XYLT1: variants seen among roughly 807,000 people sequenced by gnomAD.
The protein encoded by XYLT1 is xylosyltransferase 1.
A neutral mutation model predicts 91.3 loss-of-function variants in XYLT1; 36 were observed. The observed-to-expected ratio is 0.39, with a 90% CI of 0.30 to 0.52. The LOEUF (loss-of-function observed/expected upper bound fraction) is 0.52, where lower values mean the gene tolerates loss of function less well. XYLT1 is among the 20% of genes least tolerant of loss of function. XYLT1 has a pLI of 0.68. For synonymous variants in XYLT1, 588 were observed against 532.0 expected, an observed-to-expected ratio of 1.11 and a Z score of -1.45; for missense variants, 1,242 against 1,284.5, an observed-to-expected ratio of 0.97 and a Z score of 0.51.
chr16:17,333,824 G>C (rs1408207149), intron 2 of XYLT1, among the ~76,000 whole-genome samples: 1 of 152,008 alleles, frequency 6.6e-6, no homozygotes, highest in Non-Finnish European at 1.5e-5. Context: ...CTGACTTCAA[G>C]TGATCTGCCC....
At chr16:17,287,137 A>G (rs568571003) in intron 2 of XYLT1, among the ~76,000 whole-genome samples, 1 of 152,244 alleles carries the variant, frequency 6.6e-6, no homozygotes, top group East Asian at 1.9e-4. Flanking sequence ...GCATACGCAG[A>G]AACACTGCAG....
At chr16:17,170,724 C>T (rs1422879286) in intron 5 of XYLT1, among the ~76,000 whole-genome samples, 1 of 152,186 alleles carries the variant, frequency 6.6e-6, no homozygotes, top group East Asian at 1.9e-4. Flanking sequence ...ATTCATCCTG[C>T]CCTGGGTTTA....
chr16:17,395,811 T>C (rs2035877387), intron 1 of XYLT1, among the ~76,000 whole-genome samples: 1 of 152,214 alleles, frequency 6.6e-6, no homozygotes, highest in African/African-American at 2.4e-5. Context: ...TGACATGGAA[T>C]TCTTCAGGGA....
chr16:17,379,763 T>TCTCTTTCTCACACACACA (rs373354877), intron 1 of XYLT1, among the ~76,000 whole-genome samples: 2 of 125,546 alleles, frequency 1.6e-5, no homozygotes, highest in African/African-American at 6.3e-5. Flanking sequence ...TCTCTCTCTC[T>TCTCTTTCTCACACACACA]CACACACACA....
intron 2 of XYLT1, among the ~76,000 whole-genome samples, chr16:17,264,914 C>A (rs2033780442): frequency 6.6e-6 from 1 of 152,142 alleles, no homozygotes; most frequent in Non-Finnish European, 1.5e-5. Flanking sequence ...TCAGGCCGGG[C>A]ACAGTGGCTC....
rs527788636 is a variant in XYLT1 at position 17,107,550 on chromosome 16, A to G, written c.*1145T>C. 1 of 152,796 alleles carries G rather than the reference A, an allele frequency of 6.5e-6. No homozygotes were observed. Among genetic ancestry groups the G allele is most frequent in the Admixed American group, 6.5e-5 (1 of 15,304 alleles). 9.5% of individuals were successfully genotyped at this position (152,796 alleles called of 1,614,324 possible). A position where few individuals can be genotyped will look rare whatever the true frequency, so the allele number is the denominator to read the frequency against. On this transcript the variant is annotated 3_prime_UTR_variant, in exon 12 of 12. Transcript: ENST00000261381. ...CCTGTGGCCGAAGGGCATGAAATTAAAAACCAAATCTGAAATGCTATTTCC... is the reference window on the plus strand; with the variant it reads ...CCTGTGGCCGAAGGGCATGAAATTAGAAACCAAATCTGAAATGCTATTTCC...
intron 3 of XYLT1, among the ~76,000 whole-genome samples, chr16:17,218,974 T>TA (rs1676095600): frequency 6.6e-6 from 1 of 152,150 alleles, no homozygotes; most frequent in African/African-American, 2.4e-5. Context: ...AGGATGGACT[T>TA]ATCACTTATT....
At chr16:17,365,976 A>G in intron 1 of XYLT1, among the ~76,000 whole-genome samples, 1 of 152,206 alleles carries the variant, frequency 6.6e-6, no homozygotes, top group South Asian at 2.1e-4. Flanking sequence ...GAAGAAACCT[A>G]CCTGAAAAGA....
rs183236216 is a variant in XYLT1, at chr16:17,468,525, A to T, written c.363+1909T>A. 2.1e-3 allele frequency among the ~76,000 whole-genome samples: 323 copies of T among 152,300 alleles called. 1 individual carries two copies. The highest frequency in any genetic ancestry group is 7.4e-3 in the African/African-American group (307 of 41,554). On this transcript the variant is annotated intron_variant, in intron 1 of 11. Coordinates refer to ENST00000261381, the MANE Select transcript of XYLT1 (RefSeq NM_022166.4). The stretch of plus-strand genomic sequence containing the variant: ...GGAACTGCAATTCCAAAAGGAAGTA[A>T]AAAGGAAAATAGTGTGTTCCCACCT...
chr16:17,293,216 G>C (rs781278708), intron 2 of XYLT1, among the ~76,000 whole-genome samples: 2 of 152,148 alleles, frequency 1.3e-5, no homozygotes, highest in Non-Finnish European at 2.9e-5. Context: ...GAGGGGAGGA[G>C]AGGTGACTGC....
chr16:17,152,428 A>T (rs1334181220), intron 6 of XYLT1, among the ~76,000 whole-genome samples: 1 of 152,228 alleles, frequency 6.6e-6, no homozygotes, highest in Non-Finnish European at 1.5e-5. Flanking sequence ...AGAGAAATGC[A>T]ATCTGCTTTC....
At position 17,449,731 on chromosome 16, in the gene XYLT1, AACT is replaced by A. The variant is rs578117340; in HGVS notation, c.363+20700_363+20702del. 3.9e-5 allele frequency among the ~76,000 whole-genome samples: 6 copies of A among 152,318 alleles called. No individual in the cohort carries two copies. The East Asian group carries it at 5.8e-4, about 15-fold the overall frequency. On this transcript the variant is annotated intron_variant, in intron 1 of 11. Transcript: ENST00000261381. Reference sequence around the variant, plus strand: ...ATCATCATCAACAGGACTATGCATCAACTACTAAGAACACAGGTGGACCTTAAG... The same window carrying A: ...ATCATCATCAACAGGACTATGCATCAACTAAGAACACAGGTGGACCTTAAG...
At chr16:17,128,960 T>A (rs975236479) in intron 9 of XYLT1, among the ~76,000 whole-genome samples, 1 of 151,622 alleles carries the variant, frequency 6.6e-6, no homozygotes, top group African/African-American at 2.4e-5. Flanking sequence ...GGTCCTGATC[T>A]GGAGTTTTAA....
intron 6 of XYLT1, among the ~76,000 whole-genome samples, chr16:17,150,019 T>G (rs2031244027): frequency 6.6e-6 from 1 of 152,188 alleles, no homozygotes. Context: ...ATAGGACACC[T>G]CCACAGCTAA....
chr16:17,207,454 G>T (rs962093063), intron 3 of XYLT1, among the ~76,000 whole-genome samples: 1 of 152,114 alleles, frequency 6.6e-6, no homozygotes, highest in African/African-American at 2.4e-5. Flanking sequence ...CCTGGACCTG[G>T]TACAGAGCTA....
chr16:17,303,013 G>A (rs1219362010), intron 2 of XYLT1, among the ~76,000 whole-genome samples: 6 of 150,870 alleles, frequency 4.0e-5, no homozygotes, highest in Non-Finnish European at 8.8e-5. Flanking sequence ...GGGAAGGGGA[G>A]TACATGGGAA....
intron 11 of XYLT1, among the ~76,000 whole-genome samples, chr16:17,109,805 C>T (rs1259686867): frequency 1.3e-5 from 2 of 152,142 alleles, no homozygotes; most frequent in African/African-American, 2.4e-5. Flanking sequence ...GTGACCTGTA[C>T]CCAGGTCTGT....
chr16:17,345,408 A>T (rs6498687), intron 2 of XYLT1, among the ~76,000 whole-genome samples: 6 of 152,112 alleles, frequency 3.9e-5, no homozygotes, highest in Non-Finnish European at 5.9e-5. Flanking sequence ...AGAATGCCAA[A>T]GTCTTTGCCC....
At chr16:17,392,267 GA>G (rs1225854707) in intron 1 of XYLT1, among the ~76,000 whole-genome samples, 1 of 152,106 alleles carries the variant, frequency 6.6e-6, no homozygotes, top group Admixed American at 6.6e-5. Context: ...AAGGTTTCTA[GA>G]ACATTCCATT....
Sources: gnomAD v4.1 joint callset for allele counts (sites outside exome capture counted in the v4.1 genomes callset) on GRCh38, gnomAD v4.1.1 for gene constraint, MANE v1.5 for transcripts, NCBI Gene and HGNC (gene_info 2026-07-23, HGNC 2026-07-21) for gene names.